KANSL1: variants seen among roughly 807,000 people sequenced by gnomAD.
KANSL1 encodes KAT8 regulatory NSL complex subunit 1.
A neutral mutation model predicts 103.6 loss-of-function variants in KANSL1; 22 were observed. The ratio of observed to expected loss-of-function variants is 0.21; its 90% CI spans 0.15 to 0.30. KANSL1 has a LOEUF of 0.30. KANSL1 is among the 10% of genes least tolerant of loss of function. KANSL1 has a pLI of 1.00. For missense variants in KANSL1, 1,337 were observed against 1,399.8 expected (o/e 0.96, Z 0.72); for synonymous variants, 600 against 527.6 (o/e 1.14, Z -1.88).
At chr17:46,180,894 T>C (rs904143692) in intron 1 of KANSL1, among the ~76,000 whole-genome samples, 1 of 152,182 alleles carries the variant, frequency 6.6e-6, no homozygotes, top group Non-Finnish European at 1.5e-5. Context: ...TATGTATATA[T>C]AAAATAATGA....
chr17:46,102,406 T>C (rs938866652), intron 2 of KANSL1, among the ~76,000 whole-genome samples: 4 of 152,280 alleles, frequency 2.6e-5, no homozygotes, highest in African/African-American at 4.8e-5. Context: ...CCTGTCACCA[T>C]GCCTGGCTAA....
At chr17:46,208,674 C>A (rs180911485) in intron 1 of KANSL1, among the ~76,000 whole-genome samples, 57 of 151,398 alleles carry the variant, frequency 3.8e-4, no homozygotes, top group Non-Finnish European at 6.2e-4. Flanking sequence ...ACCTCAGAAC[C>A]TGATCTTAGA....
intron 2 of KANSL1, among the ~76,000 whole-genome samples, chr17:46,107,759 T>C (rs1012591632): frequency 2.6e-5 from 4 of 152,196 alleles, no homozygotes; most frequent in South Asian, 2.1e-4. Context: ...AAACTTTACA[T>C]GATCAAAATG....
At position 46,067,636 on chromosome 17, in the gene KANSL1, T is replaced by C. The variant is rs587625643; in HGVS notation, c.1565A>G (p.His522Arg). The stretch of plus-strand genomic sequence containing the variant: ...AATATGACCAATAATAGGGGCACCA[T>C]GGTTTTCCAATGGCTGAGAAACAGA... ...IESVSQPLEN[H>R]GAPIIGHISE... is the part of the protein sequence containing the mutation. The change falls in exon 5 of 15, where the codon CAT becomes CGT. Residue 522 changes from histidine (H) to arginine (R), a missense_variant. This residue lies in a region of KANSL1 where 780 missense variants were observed against 923.4 expected (regional missense o/e 0.84). Coordinates refer to ENST00000432791, the MANE Select transcript of KANSL1 (RefSeq NM_015443.4). The C allele has an allele frequency of 6.9e-5, 111 of 1,602,094 alleles. No individual in the cohort carries two copies. In the East Asian group the frequency reaches 1.2e-3, roughly 17 times the overall value.
At chr17:46,106,373 T>C (rs1054632595) in intron 2 of KANSL1, among the ~76,000 whole-genome samples, 4 of 152,178 alleles carry the variant, frequency 2.6e-5, no homozygotes, top group Non-Finnish European at 4.4e-5. Flanking sequence ...ATGTAAGATA[T>C]CTATGAGACC....
chr17:46,155,155 ATTTTTTT>A lies in KANSL1; in HGVS notation c.1289+15693_1289+15699del, dbSNP rs33974360. On this transcript the variant is annotated intron_variant, in intron 2 of 14. Transcript: ENST00000432791. ...CTAATCCAATAGTTCTCAGCCAGGGATTTTTTTTTTTTTTTTTTTTTTTTTGAGATGG... is the reference window on the plus strand; with the variant it reads ...CTAATCCAATAGTTCTCAGCCAGGGATTTTTTTTTTTTTTTTTTGAGATGG... Among the ~76,000 whole-genome samples the A allele has an allele frequency of 1.4e-4, 15 of 103,834 alleles. 1 individual carries two copies. Among genetic ancestry groups the A allele is most frequent in the East Asian group, 1.2e-3 (4 of 3,314 alleles). The allele number at this position is 103,834 out of a possible 152,430, so 68.1% of individuals were successfully genotyped here.
intron 1 of KANSL1, among the ~76,000 whole-genome samples, chr17:46,211,846 C>G (rs1427574352): frequency 6.6e-6 from 1 of 152,184 alleles, no homozygotes; most frequent in East Asian, 1.9e-4. Flanking sequence ...AAAATAGATT[C>G]AAGTGCTCGG....
At position 46,048,269 on chromosome 17, in the gene KANSL1, T is replaced by C. The variant is rs748149843; in HGVS notation, c.2020+2264A>G. On this transcript the variant is annotated intron_variant, in intron 7 of 14. Coordinates refer to ENST00000432791, the MANE Select transcript of KANSL1 (RefSeq NM_015443.4). ...AGCCATAACATAATTCATTAACATATTGATAAAACACAATAGGGTAGGTGC... is the reference window on the plus strand; with the variant it reads ...AGCCATAACATAATTCATTAACATACTGATAAAACACAATAGGGTAGGTGC... Among the ~76,000 whole-genome samples the C allele has an allele frequency of 2.6e-5, 4 of 152,110 alleles. No individual in the cohort carries two copies. The South Asian group carries it at 6.2e-4, about 24-fold the overall frequency.
At chr17:46,073,459 G>T (rs944326497) in intron 4 of KANSL1, among the ~76,000 whole-genome samples, 4 of 152,024 alleles carry the variant, frequency 2.6e-5, no homozygotes, top group Non-Finnish European at 4.4e-5. Context: ...CCAAGAAGGA[G>T]ATTTTAAAAA....
chr17:46,106,316 G>A (rs906627843), intron 2 of KANSL1, among the ~76,000 whole-genome samples: 11 of 152,200 alleles, frequency 7.2e-5, no homozygotes, highest in African/African-American at 1.9e-4. Context: ...TTGCCTGAGA[G>A]AGTTAAGTCT....
rs569545053 is a variant in KANSL1 at position 46,030,360 on chromosome 17, T to A, written c.*1116A>T. 19 of 151,726 alleles carry A rather than the reference T, an allele frequency of 1.3e-4. No individual in the cohort carries two copies. The highest frequency in any genetic ancestry group is 4.1e-4 in the African/African-American group (17 of 41,402). 9.4% of individuals were successfully genotyped at this position (151,726 alleles called of 1,614,324 possible). A position where few individuals can be genotyped will look rare whatever the true frequency, so the allele number is the denominator to read the frequency against. The stretch of plus-strand genomic sequence containing the variant: ...GCAGTTGTCTACTATTTTTATACGA[T>A]TACAAAATGGCCAAAAAAAAAGAGT... On this transcript the variant is annotated 3_prime_UTR_variant, in exon 15 of 15. Transcript: ENST00000432791.
chr17:46,094,541 T>C lies in KANSL1; in HGVS notation c.1431+19A>G. Reference sequence around the variant, plus strand: ...TAGTTTTCGGCAGCATTTAAAAACATCAGATACTTATCCCTTACCTTATTA... The same window carrying C: ...TAGTTTTCGGCAGCATTTAAAAACACCAGATACTTATCCCTTACCTTATTA... On this transcript the variant is annotated intron_variant, in intron 3 of 14. Transcript: ENST00000432791. 2 of 1,604,428 alleles carry C rather than the reference T, an allele frequency of 1.2e-6. No homozygotes were observed. Among genetic ancestry groups the C allele is most frequent in the Non-Finnish European group, 1.7e-6 (2 of 1,176,996 alleles).
At chr17:46,110,295 G>A (rs1208452257) in intron 2 of KANSL1, among the ~76,000 whole-genome samples, 1 of 152,182 alleles carries the variant, frequency 6.6e-6, no homozygotes. Context: ...TTCCTCATGA[G>A]AATTAAGTAA....
At chr17:46,216,248 G>A (rs1019538475) in intron 1 of KANSL1, among the ~76,000 whole-genome samples, 7 of 152,156 alleles carry the variant, frequency 4.6e-5, no homozygotes, top group African/African-American at 1.7e-4. Flanking sequence ...CAGGGTGAGA[G>A]GAAGAAGGGT....
At chr17:46,184,707 T>A (rs922639954) in intron 1 of KANSL1, among the ~76,000 whole-genome samples, 1 of 152,166 alleles carries the variant, frequency 6.6e-6, no homozygotes, top group African/African-American at 2.4e-5. Context: ...GTATTCCCCA[T>A]TACTCCCAGG....
intron 2 of KANSL1, among the ~76,000 whole-genome samples, chr17:46,131,604 G>C (rs2043864311): frequency 6.6e-6 from 1 of 152,184 alleles, no homozygotes; most frequent in Admixed American, 6.5e-5. Context: ...AATGTGAACA[G>C]TATTCTGCTG....
intron 2 of KANSL1, among the ~76,000 whole-genome samples, chr17:46,152,095 T>C (rs2045139072): frequency 1.3e-5 from 2 of 152,368 alleles, no homozygotes; most frequent in South Asian, 4.1e-4. Context: ...AAATGTTAAC[T>C]GGGTGAGAGT....
chr17:46,217,678 C>A (rs1454125665), intron 1 of KANSL1, among the ~76,000 whole-genome samples: 3 of 152,118 alleles, frequency 2.0e-5, no homozygotes, highest in Non-Finnish European at 2.9e-5. Flanking sequence ...CACTTAAGGT[C>A]AGGAGTTTGA....
At chr17:46,085,757 G>A (rs559287502) in intron 3 of KANSL1, among the ~76,000 whole-genome samples, 1 of 152,222 alleles carries the variant, frequency 6.6e-6, no homozygotes, top group South Asian at 2.1e-4. Context: ...CTCCCAAAGT[G>A]CTGGGATAAC....
Sources: allele counts gnomAD v4.1 joint callset (sites outside exome capture counted in the v4.1 genomes callset), GRCh38; gene constraint gnomAD v4.1.1; regional missense constraint gnomAD v4.1.1; transcripts MANE v1.5; gene names NCBI Gene and HGNC (gene_info 2026-07-23, HGNC 2026-07-21).